The following CDRT4 variants were observed in gnomAD, a reference collection of about 807,000 sequenced individuals.
CDRT4 encodes CMT1A duplicated region transcript 4 protein.
For synonymous variants in CDRT4, 64 were observed against 69.6 expected, an observed-to-expected ratio of 0.92 and a Z score of 0.40; for missense variants, 167 against 193.1, an observed-to-expected ratio of 0.87 and a Z score of 0.80.
At chr17:15,462,536 T>C (rs140593894) in intron 1 of CDRT4, among the ~76,000 whole-genome samples, 30 of 151,730 alleles carry the variant, frequency 2.0e-4, no homozygotes, top group African/African-American at 7.2e-4. Context: ...GTTCCTTAGC[T>C]GGACACTGCA....
chr17:15,463,803 T>A (rs904250559), intron 1 of CDRT4, among the ~76,000 whole-genome samples: 1 of 152,042 alleles, frequency 6.6e-6, no homozygotes, highest in Non-Finnish European at 1.5e-5. Context: ...TCATCAGAGA[T>A]GTGGGTGGCC....
Position 15,450,843 on chromosome 17 carries a change from T to C in CDRT4, c.-48+2161A>G, listed in dbSNP as rs1853734814. ...AAAGAGGCATCATCATTCATCGAAT[T>C]GCCCAGTTCAAACATCTAACATCTC... is the stretch of plus-strand genomic sequence containing the variant. On this transcript the variant is annotated intron_variant, in intron 2 of 3. Transcript: ENST00000619038. This position sits in a 1 kb window ranked among gnomAD's most constrained non-coding sequence, Gnocchi z 4.2. Among the ~76,000 whole-genome samples, 1 of 152,212 alleles carries C rather than the reference T, an allele frequency of 6.6e-6. No individual in the cohort carries two copies. The highest frequency in any genetic ancestry group is 2.1e-4 in the South Asian group (1 of 4,836).
At chr17:15,444,828 A>C (rs1334865451) in intron 2 of CDRT4, among the ~76,000 whole-genome samples, 1 of 152,098 alleles carries the variant, frequency 6.6e-6, no homozygotes, top group African/African-American at 2.4e-5. Context: ...TCAGCACTGC[A>C]TCTCAAGGGC....
At chr17:15,454,454 C>T (rs1979395732) in intron 1 of CDRT4, among the ~76,000 whole-genome samples, 1 of 152,128 alleles carries the variant, frequency 6.6e-6, no homozygotes, top group Non-Finnish European at 1.5e-5. Flanking sequence ...AGTCTACGAG[C>T]CACACACACA....
At chr17:15,451,412 G>A (rs776298760) in intron 2 of CDRT4, among the ~76,000 whole-genome samples, 1 of 152,186 alleles carries the variant, frequency 6.6e-6, no homozygotes, top group African/African-American at 2.4e-5. Flanking sequence ...TCTCCAAAGA[G>A]GACCCAGAGT....
chr17:15,437,533 T>C lies in CDRT4; in HGVS notation c.*240A>G, dbSNP rs1194624002. 1 of 562,460 alleles carries C rather than the reference T, an allele frequency of 1.8e-6. No homozygotes were observed. The allele number at this position is 562,460 out of a possible 1,614,324, so 34.8% of individuals were successfully genotyped here. On this transcript the variant is annotated 3_prime_UTR_variant, in exon 4 of 4. Coordinates refer to ENST00000619038, the MANE Select transcript of CDRT4 (RefSeq NM_001204477.2). ...GGTCCTGAGAATCTGCAGCAGAGAC[T>C]AGAGCCAGGGACTGCCCAAACCCAC...
At chr17:15,456,563 TACACACACACAC>T (rs3029212) in intron 1 of CDRT4, among the ~76,000 whole-genome samples, 5 of 145,718 alleles carry the variant, frequency 3.4e-5, no homozygotes, top group African/African-American at 1.3e-4. Context: ...AATCTTCCTT[TACACACACACAC>T]ACACACACAC....
chr17:15,457,927 G>A (rs538792119), intron 1 of CDRT4, among the ~76,000 whole-genome samples: 1 of 152,348 alleles, frequency 6.6e-6, no homozygotes, highest in African/African-American at 2.4e-5. Flanking sequence ...CAGCTTGTGT[G>A]CAAAGGCCGC....
At chr17:15,451,995 T>G (rs1979284073) in intron 2 of CDRT4, among the ~76,000 whole-genome samples, 1 of 152,196 alleles carries the variant, frequency 6.6e-6, no homozygotes, top group South Asian at 2.1e-4. Context: ...ATAAGCAACT[T>G]CTCCTGGAAT....
chr17:15,465,050 AG>A (rs1979941799), intron 1 of CDRT4, among the ~76,000 whole-genome samples: 1 of 149,634 alleles, frequency 6.7e-6, no homozygotes, highest in Non-Finnish European at 1.5e-5. Context: ...CACATAACAC[AG>A]ACACACACCA....
intron 2 of CDRT4, among the ~76,000 whole-genome samples, chr17:15,442,079 A>C (rs1357013835): frequency 6.6e-6 from 1 of 152,212 alleles, no homozygotes; most frequent in Non-Finnish European, 1.5e-5. Context: ...CCTCTAGTGA[A>C]AATAGAACTC....
At chr17:15,456,778 T>C (rs1188064943) in intron 1 of CDRT4, among the ~76,000 whole-genome samples, 2 of 151,844 alleles carry the variant, frequency 1.3e-5, no homozygotes, top group African/African-American at 2.4e-5. Context: ...CATCATGGGG[T>C]CCTATGGGAG....
chr17:15,446,197 T>C (rs1480951823), intron 2 of CDRT4, among the ~76,000 whole-genome samples: 2 of 151,998 alleles, frequency 1.3e-5, no homozygotes, highest in East Asian at 3.9e-4. Context: ...GACCAGCACA[T>C]GTGCTGACTC....
chr17:15,440,807 A>C lies in CDRT4; in HGVS notation c.-47-522T>G, dbSNP rs77415446. Among the ~76,000 whole-genome samples the C allele has an allele frequency of 3.6e-3, 544 of 152,300 alleles. 1 individual carries two copies. Among genetic ancestry groups the C allele is most frequent in the African/African-American group, 0.012 (511 of 41,558 alleles). On this transcript the variant is annotated intron_variant, in intron 2 of 3. Transcript: ENST00000619038. The stretch of plus-strand genomic sequence containing the variant: ...AACATGGAAGTCTAATGCTCTATGC[A>C]ACCATGCAGGGGGGAAATCTGATGG...
At position 15,464,948 on chromosome 17, in the gene CDRT4, AAC is replaced by A. The variant is rs1412601284; in HGVS notation, c.-130+2510_-130+2511del. ...AGTGGGTGCAACACACACACACACCAACACACAGACACACACACCAACAGACA... is the reference window on the plus strand; with the variant it reads ...AGTGGGTGCAACACACACACACACCAACACAGACACACACACCAACAGACA... On this transcript the variant is annotated intron_variant, in intron 1 of 3. Transcript: ENST00000619038. This position sits in a 1 kb window ranked among gnomAD's most constrained non-coding sequence, Gnocchi z 4.5. Among the ~76,000 whole-genome samples, 2 of 151,912 alleles carry A rather than the reference AAC, an allele frequency of 1.3e-5. No individual in the cohort carries two copies. The highest frequency in any genetic ancestry group is 1.3e-4 in the Admixed American group (2 of 15,252).
Position 15,438,166 on chromosome 17 carries a change from T to A in CDRT4, c.66A>T (p.Leu22=). The A allele has an allele frequency of 6.2e-7, 1 of 1,614,066 alleles. No individual in the cohort carries two copies. The highest frequency in any genetic ancestry group is 1.1e-5 in the South Asian group (1 of 91,074). Residue 22 remains leucine, a synonymous_variant, in exon 4 of 4, where the codon CTA becomes CTT. Coordinates refer to ENST00000619038, the MANE Select transcript of CDRT4 (RefSeq NM_001204477.2). ...LTENTGLPRK[L]LEKHDPWPAY... ...CCGGCCAGGGGTCATGTTTTTCAAG[T>A]AGCTTCCGGGGAAGTCCAGTGTTTT...
rs368801125 is a variant in CDRT4, at chr17:15,460,841, C to T, written c.-130+6619G>A. Among the ~76,000 whole-genome samples, 74 of 152,204 alleles carry T rather than the reference C, an allele frequency of 4.9e-4. No individual in the cohort carries two copies. The East Asian group carries it at 0.012, about 24-fold the overall frequency. On this transcript the variant is annotated intron_variant, in intron 1 of 3. Transcript: ENST00000619038. The stretch of plus-strand genomic sequence containing the variant: ...CTTCCATGGCTGCCTCTGTCCACCT[C>T]TTAGATCTCTCTGTTTCTGTCTCTC...
chr17:15,438,477 C>G (rs1396509493), intron 3 of CDRT4, among the ~76,000 whole-genome samples: 1 of 152,122 alleles, frequency 6.6e-6, no homozygotes, highest in Non-Finnish European at 1.5e-5. Flanking sequence ...TTGTTTTACC[C>G]CTGAACTTCT....
At chr17:15,453,686 C>T (rs1979361850) in intron 1 of CDRT4, among the ~76,000 whole-genome samples, 1 of 152,172 alleles carries the variant, frequency 6.6e-6, no homozygotes, top group South Asian at 2.1e-4. Flanking sequence ...TAGGAGAATT[C>T]ACCAAAGTTC....
Sources: allele counts gnomAD v4.1 joint callset (sites outside exome capture counted in the v4.1 genomes callset), GRCh38; gene constraint gnomAD v4.1.1; non-coding constraint Gnocchi (gnomAD v3.1); transcripts MANE v1.5; gene names NCBI Gene and HGNC (gene_info 2026-07-23, HGNC 2026-07-21).